The following CACNA2D3 variants were observed in gnomAD, a reference collection of about 807,000 sequenced individuals.
CACNA2D3 encodes the protein calcium voltage-gated channel auxiliary subunit alpha2delta 3, also known as voltage-dependent calcium channel subunit alpha-2/delta-3.
A neutral mutation model predicts 160.6 loss-of-function variants in CACNA2D3; 60 were observed. The ratio of observed to expected loss-of-function variants is 0.37; its 90% confidence interval spans 0.30 to 0.46. CACNA2D3 has a LOEUF of 0.46. Among genes scored for constraint, CACNA2D3 ranks in the 20% least tolerant of loss-of-function variants. The pLI, the probability that CACNA2D3 is intolerant of heterozygous loss-of-function variation, is 1.00. For missense variants in CACNA2D3, 1,205 were observed against 1,365.0 expected (o/e 0.88, Z 1.85); for synonymous variants, 558 against 492.9 (o/e 1.13, Z -1.75).
chr3:54,252,291 A>G (rs1702207688), intron 2 of CACNA2D3, among the ~76,000 whole-genome samples: 1 of 152,116 alleles, frequency 6.6e-6, no homozygotes, highest in Admixed American at 6.5e-5. Flanking sequence ...GAAATTATTT[A>G]TAATTAGTCA....
Position 54,537,141 on chromosome 3 carries a change from G to C in CACNA2D3, c.545-25659G>C, listed in dbSNP as rs1175593436. On this transcript the variant is annotated intron_variant, in intron 5 of 37. Transcript: ENST00000474759. ...AGAGAGATGGAAGAAGGGAGGGACA[G>C]GCAGGCACAGAGACACACAGAGCAG... Among the ~76,000 whole-genome samples the C allele has an allele frequency of 3.9e-5, 6 of 152,158 alleles. No individual in the cohort carries two copies. The East Asian group carries it at 1.2e-3, about 30-fold the overall frequency.
intron 2 of CACNA2D3, among the ~76,000 whole-genome samples, chr3:54,313,438 G>C (rs1703787492): frequency 1.3e-5 from 2 of 152,032 alleles, no homozygotes; most frequent in Non-Finnish European, 2.9e-5. Context: ...GTACAGACCT[G>C]ATCACTGATC....
At chr3:54,550,568 A>G (rs1702140086) in intron 5 of CACNA2D3, among the ~76,000 whole-genome samples, 1 of 152,236 alleles carries the variant, frequency 6.6e-6, no homozygotes, top group African/African-American at 2.4e-5. Context: ...GACGGGAAGA[A>G]TGGCTTGAAG....
chr3:54,634,326 C>T (rs1158434831), intron 10 of CACNA2D3: 3 of 152,180 alleles, frequency 2.0e-5, no homozygotes, highest in Non-Finnish European at 4.4e-5. Flanking sequence ...ACTCAAATGT[C>T]ACCTTCTCAG....
chr3:54,361,093 A>G (rs1238695162), intron 3 of CACNA2D3, among the ~76,000 whole-genome samples: 4 of 152,152 alleles, frequency 2.6e-5, no homozygotes, highest in South Asian at 2.1e-4. Context: ...CACAAAACAT[A>G]AAAATGTAAT....
At chr3:54,597,981 A>T (rs989417070) in intron 9 of CACNA2D3, among the ~76,000 whole-genome samples, 4 of 151,998 alleles carry the variant, frequency 2.6e-5, no homozygotes. Context: ...TTTCCCATCC[A>T]TAGAGCGAGG....
intron 9 of CACNA2D3, chr3:54,626,383 A>C (rs945132839): frequency 6.4e-7 from 1 of 1,567,452 alleles, no homozygotes; most frequent in Non-Finnish European, 8.6e-7. Flanking sequence ...CTCCCTGCTG[A>C]AGTGCCTGCG....
Position 54,458,341 on chromosome 3 carries a change from T to C in CACNA2D3, c.382-45151T>C, listed in dbSNP as rs560491123. 2.0e-5 allele frequency among the ~76,000 whole-genome samples: 3 copies of C among 152,270 alleles called. No individual in the cohort carries two copies. In the East Asian group the frequency reaches 5.8e-4, roughly 29 times the overall value. On this transcript the variant is annotated intron_variant, in intron 4 of 37. Transcript: ENST00000474759. ...TGTAGCACTCCTGTAAGCATTGCTT[T>C]GTAAGATTGATCTAGTGATGATGAA...
At chr3:54,841,712 A>C (rs2106765867) in intron 16 of CACNA2D3, among the ~76,000 whole-genome samples, 1 of 152,266 alleles carries the variant, frequency 6.6e-6, no homozygotes, top group South Asian at 2.1e-4. Flanking sequence ...ACTTCCTGTA[A>C]TTTTTATTAA....
At chr3:54,816,050 C>G (rs898206544) in intron 13 of CACNA2D3, among the ~76,000 whole-genome samples, 1 of 152,142 alleles carries the variant, frequency 6.6e-6, no homozygotes, top group Non-Finnish European at 1.5e-5. Context: ...AAATGTTGAT[C>G]TTTTTCCACA....
chr3:54,910,614 C>G (rs1248832842), intron 27 of CACNA2D3, among the ~76,000 whole-genome samples: 4 of 152,108 alleles, frequency 2.6e-5, no homozygotes, highest in Admixed American at 2.6e-4. Context: ...TTGGAGGGCC[C>G]CAGGGTTCTC....
intron 10 of CACNA2D3, among the ~76,000 whole-genome samples, chr3:54,637,202 A>G (rs1559534581): frequency 6.6e-6 from 1 of 151,970 alleles, no homozygotes; most frequent in Non-Finnish European, 1.5e-5. Flanking sequence ...AACAGGCTTT[A>G]ACCTTTTTAA....
intron 11 of CACNA2D3, among the ~76,000 whole-genome samples, chr3:54,682,191 A>G (rs557086549): frequency 6.6e-6 from 1 of 151,576 alleles, no homozygotes; most frequent in Non-Finnish European, 1.5e-5. Context: ...ACACACACAC[A>G]CACCACAAAA....
intron 4 of CACNA2D3, among the ~76,000 whole-genome samples, chr3:54,452,238 A>C (rs768328209): frequency 6.6e-6 from 1 of 152,196 alleles, no homozygotes; most frequent in Non-Finnish European, 1.5e-5. Context: ...AACATCTTAC[A>C]TGGTGGCAGG....
In CACNA2D3 at chr3:54,925,031, A is replaced by T. The variant is rs375697268; in HGVS notation, c.2449+25163A>T. ...CTGACCTAAATGCAAAAGCAGGAAG[A>T]TGGTGTATCTGATTATCTTGTAAAT... On this transcript the variant is annotated intron_variant, in intron 27 of 37. Transcript: ENST00000474759. 2.5e-6 allele frequency: 4 copies of T among 1,614,140 alleles called. No homozygotes were observed. The East Asian group carries it at 8.9e-5, about 36-fold the overall frequency.
chr3:54,850,437 A>T (rs1455324938), intron 17 of CACNA2D3, among the ~76,000 whole-genome samples: 3 of 152,242 alleles, frequency 2.0e-5, no homozygotes, highest in Non-Finnish European at 4.4e-5. Flanking sequence ...TAAACATTGA[A>T]GTATAGCTAC....
intron 5 of CACNA2D3, among the ~76,000 whole-genome samples, chr3:54,531,985 C>T (rs1471229975): frequency 6.6e-6 from 1 of 152,206 alleles, no homozygotes; most frequent in African/African-American, 2.4e-5. Context: ...TGCCTCTCCG[C>T]GAGCCCACAC....
chr3:54,600,358 T>G (rs1158952793), intron 9 of CACNA2D3, among the ~76,000 whole-genome samples: 1 of 152,218 alleles, frequency 6.6e-6, no homozygotes, highest in African/African-American at 2.4e-5. Context: ...GCCTCTTTCT[T>G]ATCCTTAGAG....
chr3:54,440,053 G>A (rs1333855187), intron 4 of CACNA2D3, among the ~76,000 whole-genome samples: 2 of 152,082 alleles, frequency 1.3e-5, no homozygotes, highest in Admixed American at 1.3e-4. Context: ...CACCCAGCAG[G>A]GCTGGCTTGT....
Sources: gnomAD v4.1 joint callset for allele counts (sites outside exome capture counted in the v4.1 genomes callset) on GRCh38, gnomAD v4.1.1 for gene constraint, MANE v1.5 for transcripts, NCBI Gene and HGNC (gene_info 2026-07-23, HGNC 2026-07-21) for gene names.